The following MAD1L1 variants were observed in gnomAD, a reference collection of about 807,000 sequenced individuals.
The protein encoded by MAD1L1 is mitotic spindle assembly checkpoint protein MAD1.
MAD1L1 carries 95 observed loss-of-function variants against 96.9 expected under a neutral mutation model. The observed-to-expected ratio is 0.98, with a 90% CI of 0.83 to 1.16. The LOEUF (loss-of-function observed/expected upper bound fraction) is 1.16. MAD1L1 is among the 50% of genes most tolerant of loss of function. The pLI is 0.00. For synonymous variants in MAD1L1, 473 were observed against 396.6 expected (o/e 1.19, Z -2.29); for missense variants, 1,007 against 954.4 (o/e 1.06, Z -0.73).
At chr7:2,129,849 T>C (rs1477715269) in intron 11 of MAD1L1, among the ~76,000 whole-genome samples, 1 of 152,106 alleles carries the variant, frequency 6.6e-6, no homozygotes, top group Non-Finnish European at 1.5e-5. Context: ...GCCACCACCG[T>C]CGGAGGGGCA....
intron 6 of MAD1L1, among the ~76,000 whole-genome samples, chr7:2,218,430 A>T (rs1023201027): frequency 6.6e-6 from 1 of 152,220 alleles, no homozygotes; most frequent in African/African-American, 2.4e-5. Flanking sequence ...CTACTACGGA[A>T]CTAGAACTCT....
intron 16 of MAD1L1, among the ~76,000 whole-genome samples, chr7:1,938,622 A>C (rs1210947409): frequency 6.6e-6 from 1 of 152,250 alleles, no homozygotes; most frequent in African/African-American, 2.4e-5. Context: ...GGCATGTCAG[A>C]CAACCCACTC....
chr7:2,143,970 C>T (rs1008332017), intron 11 of MAD1L1, among the ~76,000 whole-genome samples: 2 of 152,222 alleles, frequency 1.3e-5, no homozygotes, highest in African/African-American at 4.8e-5. Context: ...GGGCTTCAAA[C>T]AGGCAAAACA....
chr7:1,818,766 G>C (rs1781965569), intron 18 of MAD1L1, among the ~76,000 whole-genome samples: 2 of 151,102 alleles, frequency 1.3e-5, no homozygotes, highest in South Asian at 4.2e-4. Context: ...GGTAGGCCGG[G>C]CAACCCACTC....
At chr7:2,080,550 C>T (rs1227440883) in intron 11 of MAD1L1, among the ~76,000 whole-genome samples, 1 of 145,228 alleles carries the variant, frequency 6.9e-6, no homozygotes, top group Non-Finnish European at 1.5e-5. Flanking sequence ...CAGAGCGCCT[C>T]CCCCACGATC....
chr7:1,997,964 T>A (rs1781630997), intron 14 of MAD1L1, among the ~76,000 whole-genome samples: 1 of 37,668 alleles, frequency 2.7e-5, no homozygotes, highest in Non-Finnish European at 5.4e-5. Flanking sequence ...TGATTCTGCT[T>A]GGGGGCAATC....
chr7:1,983,660 C>T (rs1218068833), intron 14 of MAD1L1, among the ~76,000 whole-genome samples: 2 of 152,240 alleles, frequency 1.3e-5, no homozygotes, highest in Non-Finnish European at 2.9e-5. Context: ...CTTATGTGCA[C>T]AGCCTGATGG....
intron 14 of MAD1L1, among the ~76,000 whole-genome samples, chr7:1,986,625 G>A (rs767890264): frequency 4.6e-5 from 7 of 152,188 alleles, no homozygotes; most frequent in South Asian, 4.1e-4. Context: ...TGCTCACTGC[G>A]TCTGCTCACT....
Position 1,936,754 on chromosome 7 carries a change from T to C in MAD1L1, c.1740A>G (p.Arg580=), listed in dbSNP as rs1054128157. ...CAAGGTCGGCTGGGACGGTGCCTCC[T>C]CTCTCCATGGCGCGCAGGAGCCCGC... ...RLRGLLRAME[R]GGTVPADLEA... Residue 580 remains arginine, a synonymous_variant, in exon 17 of 19, where the codon AGA becomes AGG. Transcript: ENST00000265854. The C allele has an allele frequency of 1.1e-5, 17 of 1,569,664 alleles. No individual in the cohort carries two copies. Among genetic ancestry groups the C allele is most frequent in the Non-Finnish European group, 1.4e-5 (16 of 1,158,756 alleles).
At chr7:1,990,039 T>A (rs1163212778) in intron 14 of MAD1L1, among the ~76,000 whole-genome samples, 1 of 152,204 alleles carries the variant, frequency 6.6e-6, no homozygotes, top group Non-Finnish European at 1.5e-5. Context: ...AGGAGCTGGG[T>A]AACTCCCCCC....
intron 18 of MAD1L1, among the ~76,000 whole-genome samples, chr7:1,840,936 G>T (rs561240985): frequency 6.6e-6 from 1 of 152,352 alleles, no homozygotes; most frequent in East Asian, 1.9e-4. Flanking sequence ...GCCAAGCCAG[G>T]ATAGAGCAAA....
At chr7:2,059,769 C>T (rs6953670) in intron 12 of MAD1L1, among the ~76,000 whole-genome samples, 19,787 of 151,836 alleles carry the variant, frequency 0.13, 1,859 homozygotes, top group African/African-American at 0.26. Flanking sequence ...TGAGTGTGCA[C>T]GTCAAACACC....
chr7:2,181,069 A>G (rs1382786801), intron 10 of MAD1L1, among the ~76,000 whole-genome samples: 1 of 152,218 alleles, frequency 6.6e-6, no homozygotes, highest in Non-Finnish European at 1.5e-5. Context: ...TATGCCGGTG[A>G]GCTTATCTAC....
chr7:2,081,076 G>C (rs1262336263), intron 11 of MAD1L1, among the ~76,000 whole-genome samples: 2 of 152,210 alleles, frequency 1.3e-5, no homozygotes, highest in African/African-American at 4.8e-5. Context: ...GGAGAGAGCT[G>C]CTGTGATGGT....
At chr7:1,917,029 A>G (rs56106757) in intron 17 of MAD1L1, among the ~76,000 whole-genome samples, 7,784 of 151,638 alleles carry the variant, frequency 0.051, 294 homozygotes, top group Admixed American at 0.1. Context: ...AATGTCCTCC[A>G]CTCCCCACTG....
intron 13 of MAD1L1, among the ~76,000 whole-genome samples, chr7:2,009,793 C>T (rs1584067905): frequency 1.3e-5 from 2 of 152,198 alleles, no homozygotes; most frequent in African/African-American, 4.8e-5. Flanking sequence ...ACAGAGCCTG[C>T]CCTGGGCTTA....
chr7:2,046,431 A>G (rs1369462811), intron 12 of MAD1L1, among the ~76,000 whole-genome samples: 2 of 142,684 alleles, frequency 1.4e-5, no homozygotes, highest in African/African-American at 2.5e-5. Flanking sequence ...TCCCCTCCAG[A>G]CAGGCTCCGG....
At chr7:1,945,036 G>A (rs1300206990) in intron 16 of MAD1L1, among the ~76,000 whole-genome samples, 1 of 152,172 alleles carries the variant, frequency 6.6e-6, no homozygotes, top group Non-Finnish European at 1.5e-5. Context: ...GTCGGCCACT[G>A]GGAGAGACAG....
At chr7:2,014,460 G>A (rs1158219039) in intron 13 of MAD1L1, 42 bp downstream of exon 13, 19 of 1,520,986 alleles carry the variant, frequency 1.2e-5, no homozygotes, top group Non-Finnish European at 8.8e-7. Flanking sequence ...CCGGGAAGAA[G>A]CCCCACCTGG....
Sources: gnomAD v4.1 joint callset for allele counts (sites outside exome capture counted in the v4.1 genomes callset) on GRCh38, gnomAD v4.1.1 for gene constraint, MANE v1.5 for transcripts, NCBI Gene and HGNC (gene_info 2026-07-23, HGNC 2026-07-21) for gene names.